Variants in SDK2 observed in about 807,000 individuals in gnomAD.
SDK2 encodes protein sidekick-2.
Under a neutral mutation model 253.9 loss-of-function variants are expected in SDK2, and 105 were observed. The observed-to-expected ratio is 0.41, with a 90% CI of 0.35 to 0.49. The LOEUF (loss-of-function observed/expected upper bound fraction) is 0.49. SDK2 is among the 20% of genes least tolerant of loss of function. The probability of loss-of-function intolerance (pLI) is 0.06; values close to 1 mark genes in which losing one functional copy is unlikely to be tolerated. For synonymous variants in SDK2, 1,249 were observed against 1,234.9 expected (o/e 1.01, Z -0.24); for missense variants, 2,608 against 3,003.0 (o/e 0.87, Z 3.07).
chr17:73,553,623 T>C (rs2045098170), intron 1 of SDK2, among the ~76,000 whole-genome samples: 1 of 152,134 alleles, frequency 6.6e-6, no homozygotes, highest in African/African-American at 2.4e-5. Flanking sequence ...AGCCACTACC[T>C]GGCCACAGCC....
chr17:73,473,406 A>G (rs2145697326), intron 2 of SDK2, among the ~76,000 whole-genome samples: 1 of 152,244 alleles, frequency 6.6e-6, no homozygotes, highest in East Asian at 1.9e-4. Flanking sequence ...CAATGGTCCC[A>G]CAGGACCCTC....
At chr17:73,403,155 G>A (rs1278542937) in intron 18 of SDK2, among the ~76,000 whole-genome samples, 1 of 152,186 alleles carries the variant, frequency 6.6e-6, no homozygotes, top group African/African-American at 2.4e-5. Context: ...ACACAGGTAG[G>A]GGGAAGCTGG....
intron 41 of SDK2, among the ~76,000 whole-genome samples, chr17:73,351,256 C>T (rs2062535916): frequency 6.6e-6 from 1 of 152,030 alleles, no homozygotes; most frequent in African/African-American, 2.4e-5. Context: ...ATTACAGGTA[C>T]CTGCCACCAC....
In SDK2 at chr17:73,639,686, C is replaced by T. The variant is rs1169332584; in HGVS notation, c.64+4339G>A. Among the ~76,000 whole-genome samples, 2 of 152,182 alleles carry T rather than the reference C, an allele frequency of 1.3e-5. No homozygotes were observed. Among genetic ancestry groups the T allele is most frequent in the African/African-American group, 4.8e-5 (2 of 41,438 alleles). On this transcript the variant is annotated intron_variant, in intron 1 of 44. Coordinates refer to ENST00000392650, the MANE Select transcript of SDK2 (RefSeq NM_001144952.2). This position sits in a 1 kb window ranked among gnomAD's most constrained non-coding sequence, Gnocchi z 4.3. Reference sequence around the variant, plus strand: ...CCCGACATCAATTCCAACTCAGCCTCCTGCCTCCCAGAGGGGCTGGGAGTC... The same window carrying T: ...CCCGACATCAATTCCAACTCAGCCTTCTGCCTCCCAGAGGGGCTGGGAGTC...
At chr17:73,623,140 T>C (rs561312928) in intron 1 of SDK2, among the ~76,000 whole-genome samples, 192 of 152,378 alleles carry the variant, frequency 1.3e-3, no homozygotes, top group African/African-American at 4.2e-3. Context: ...CATTGAGTCA[T>C]TGCTTTCTAT....
At chr17:73,600,757 T>TC (rs1325136573) in intron 1 of SDK2, among the ~76,000 whole-genome samples, 2 of 152,128 alleles carry the variant, frequency 1.3e-5, no homozygotes, top group African/African-American at 4.8e-5. Flanking sequence ...AACAGTCCCC[T>TC]CCCCAGTGCC....
intron 1 of SDK2, among the ~76,000 whole-genome samples, chr17:73,508,094 G>A (rs2063950000): frequency 6.6e-6 from 1 of 152,252 alleles, no homozygotes; most frequent in Non-Finnish European, 1.5e-5. Flanking sequence ...GTCAATCACA[G>A]AGTCCATCCA....
intron 1 of SDK2, among the ~76,000 whole-genome samples, chr17:73,594,753 T>C (rs2045730264): frequency 6.6e-6 from 1 of 151,894 alleles, no homozygotes; most frequent in Non-Finnish European, 1.5e-5. Flanking sequence ...CAAATACACT[T>C]AGCACATATG....
chr17:73,545,485 C>A (rs2044948297), intron 1 of SDK2, among the ~76,000 whole-genome samples: 1 of 152,150 alleles, frequency 6.6e-6, no homozygotes, highest in Non-Finnish European at 1.5e-5. Context: ...GGGAAATGTG[C>A]AAGAACAAGG....
chr17:73,543,387 C>G (rs1296344498), intron 1 of SDK2, among the ~76,000 whole-genome samples: 1 of 152,216 alleles, frequency 6.6e-6, no homozygotes, highest in Non-Finnish European at 1.5e-5. Context: ...CTCATATCCC[C>G]TGGGAAAAGA....
intron 44 of SDK2, 66 bp downstream of exon 44, chr17:73,348,533 C>A: frequency 5.1e-6 from 8 of 1,568,534 alleles, no homozygotes; most frequent in Non-Finnish European, 4.3e-6. Context: ...CATCTACGTT[C>A]ACTGCCCCAC....
chr17:73,490,148 T>A (rs1440886403), intron 2 of SDK2, among the ~76,000 whole-genome samples: 3 of 152,156 alleles, frequency 2.0e-5, no homozygotes, highest in Non-Finnish European at 2.9e-5. Flanking sequence ...GCGTTCTGAC[T>A]TTTTTGGCGG....
chr17:73,513,710 C>G (rs1221830649), intron 1 of SDK2: 1 of 152,202 alleles, frequency 6.6e-6, no homozygotes, highest in Non-Finnish European at 1.5e-5. Context: ...CAAGAGGGCA[C>G]TGCTTAAAGA....
chr17:73,369,442 C>T (rs1388227855), intron 36 of SDK2, among the ~76,000 whole-genome samples: 1 of 152,248 alleles, frequency 6.6e-6, no homozygotes, highest in African/African-American at 2.4e-5. Context: ...TGAATCCCAG[C>T]TGCACCGCAT....
intron 6 of SDK2, among the ~76,000 whole-genome samples, chr17:73,438,908 T>G (rs1171409730): frequency 2.0e-5 from 3 of 152,182 alleles, no homozygotes; most frequent in Non-Finnish European, 4.4e-5. Flanking sequence ...GCGGCTTGAG[T>G]GACAGTAGCT....
chr17:73,365,429 C>T (rs1406945737), intron 37 of SDK2, 34 bp from the exon 38 acceptor site: 1 of 1,564,850 alleles, frequency 6.4e-7, no homozygotes, highest in Non-Finnish European at 8.6e-7. Context: ...TTGTTTCCTT[C>T]TTCTGTGGAA....
At chr17:73,536,514 TTTGTA>T (rs2044774086) in intron 1 of SDK2, among the ~76,000 whole-genome samples, 1 of 152,150 alleles carries the variant, frequency 6.6e-6, no homozygotes, top group South Asian at 2.1e-4. Flanking sequence ...CCCACCTCTC[TTTGTA>T]CCAGGGCTAG....
intron 1 of SDK2, among the ~76,000 whole-genome samples, chr17:73,604,241 C>T (rs577772853): frequency 2.0e-5 from 3 of 152,314 alleles, no homozygotes; most frequent in East Asian, 3.9e-4. Context: ...GGAGCGGACC[C>T]GCAAAGCTCA....
At chr17:73,414,794 G>A (rs770948894) in intron 17 of SDK2, 35 bp from the exon 18 acceptor site, 2 of 1,353,258 alleles carry the variant, frequency 1.5e-6, no homozygotes, top group East Asian at 4.6e-5. Flanking sequence ...GGGGTGGAGG[G>A]GGCCCAGTCA....
Sources: allele counts gnomAD v4.1 joint callset (sites outside exome capture counted in the v4.1 genomes callset), GRCh38; gene constraint gnomAD v4.1.1; non-coding constraint Gnocchi (gnomAD v3.1); transcripts MANE v1.5; gene names NCBI Gene and HGNC (gene_info 2026-07-23, HGNC 2026-07-21).